Variants in NRXN3 observed in about 807,000 individuals in gnomAD.
The protein encoded by NRXN3 is neurexin 3.
A neutral mutation model predicts 137.6 loss-of-function variants in NRXN3; 32 were observed. The ratio of observed to expected loss-of-function variants is 0.23; its 90% confidence interval spans 0.18 to 0.31. NRXN3 has a LOEUF of 0.31. Ranked by LOEUF, NRXN3 falls within the 10% of genes least tolerant of loss-of-function variation. The pLI, the probability that NRXN3 is intolerant of heterozygous loss-of-function variation, is 1.00. For synonymous variants in NRXN3, 798 were observed against 784.5 expected (o/e 1.02, Z -0.29); for missense variants, 1,574 against 2,062.5 (o/e 0.76, Z 4.59).
chr14:78,874,990 G>A (rs987400067), intron 10 of NRXN3, among the ~76,000 whole-genome samples: 2 of 152,178 alleles, frequency 1.3e-5, no homozygotes, highest in Non-Finnish European at 2.9e-5. Context: ...ACAGGGGTGT[G>A]GAGAATTGGT....
intron 10 of NRXN3, among the ~76,000 whole-genome samples, chr14:78,927,103 C>G (rs1338525693): frequency 7.7e-5 from 10 of 130,032 alleles, no homozygotes; most frequent in Non-Finnish European, 1.6e-4. Flanking sequence ...TTCAGTGAGT[C>G]GTGATTGTGC....
intron 4 of NRXN3, among the ~76,000 whole-genome samples, chr14:78,471,371 A>C (rs2095268467): frequency 6.6e-6 from 1 of 151,844 alleles, no homozygotes; most frequent in Non-Finnish European, 1.5e-5. Context: ...AATCTGGAGA[A>C]AGTTCAAAGT....
chr14:79,049,259 A>G (rs1158075134), intron 15 of NRXN3, among the ~76,000 whole-genome samples: 3 of 151,946 alleles, frequency 2.0e-5, no homozygotes, highest in African/African-American at 4.8e-5. Context: ...TTTATATAAT[A>G]TTCTAAATTA....
At chr14:79,782,298 A>G (rs781590039) in intron 19 of NRXN3, among the ~76,000 whole-genome samples, 56 of 152,254 alleles carry the variant, frequency 3.7e-4, no homozygotes, top group Admixed American at 7.8e-4. Context: ...CTTTTCCCCT[A>G]TAGTTTCATG....
intron 15 of NRXN3, among the ~76,000 whole-genome samples, chr14:79,346,113 T>C (rs1481155605): frequency 2.0e-5 from 3 of 152,190 alleles, no homozygotes; most frequent in African/African-American, 7.2e-5. Context: ...CAACCAGAGT[T>C]ATTATTTAGA....
chr14:79,247,103 C>T (rs1048177598), intron 15 of NRXN3: 2 of 152,082 alleles, frequency 1.3e-5, no homozygotes, highest in African/African-American at 4.8e-5. Context: ...GCAAACCATA[C>T]TGTAAAGGAA....
At chr14:78,241,368 G>T (rs1276371043) in intron 1 of NRXN3, among the ~76,000 whole-genome samples, 1 of 152,152 alleles carries the variant, frequency 6.6e-6, no homozygotes, top group Non-Finnish European at 1.5e-5. Context: ...TGTGGCTCAT[G>T]CCTGTAATCC....
At chr14:78,208,608 G>A (rs1430069154) in intron 1 of NRXN3, among the ~76,000 whole-genome samples, 4 of 152,166 alleles carry the variant, frequency 2.6e-5, no homozygotes, top group Non-Finnish European at 5.9e-5. Flanking sequence ...TTAGAGTGAC[G>A]AGGCTGGAGC....
At chr14:79,259,565 AGTTATC>A in intron 15 of NRXN3, among the ~76,000 whole-genome samples, 1 of 148,332 alleles carries the variant, frequency 6.7e-6, no homozygotes, top group Non-Finnish European at 1.5e-5. Context: ...CTGTATATAT[AGTTATC>A]TATATATAGC....
chr14:78,414,992 G>A (rs115678939), intron 4 of NRXN3, among the ~76,000 whole-genome samples: 85 of 152,208 alleles, frequency 5.6e-4, no homozygotes, highest in African/African-American at 2.0e-3. Context: ...TCTGTGCCAT[G>A]GTGTTTTAAT....
intron 15 of NRXN3, among the ~76,000 whole-genome samples, chr14:79,437,806 A>G (rs994472700): frequency 6.6e-6 from 1 of 152,136 alleles, no homozygotes; most frequent in Non-Finnish European, 1.5e-5. Flanking sequence ...GCCACATACA[A>G]TCTCTGTGAT....
rs145392299 is a variant in NRXN3 at position 79,677,490 on chromosome 14, G to A, written c.3616+13541G>A. The stretch of plus-strand genomic sequence containing the variant: ...GTTTACAAAATGAATAGCTGGATTA[G>A]TTTACTGAATTTTTTTCTGTGGTAT... On this transcript the variant is annotated intron_variant, in intron 17 of 20. Coordinates refer to ENST00000335750, the MANE Select transcript of NRXN3 (RefSeq NM_001330195.2). Among the ~76,000 whole-genome samples, 656 of 152,140 alleles carry A rather than the reference G, an allele frequency of 4.3e-3. 3 individuals are homozygous for A. Among genetic ancestry groups the A allele is most frequent in the Non-Finnish European group, 7.4e-3 (503 of 67,978 alleles).
intron 4 of NRXN3, among the ~76,000 whole-genome samples, chr14:78,608,159 T>C (rs1457747382): frequency 1.3e-5 from 2 of 152,204 alleles, no homozygotes; most frequent in Admixed American, 1.3e-4. Context: ...GGTGGTAGTT[T>C]TAGCCTGCAT....
intron 8 of NRXN3, among the ~76,000 whole-genome samples, chr14:78,784,168 G>C (rs549014575): frequency 6.6e-6 from 1 of 152,066 alleles, no homozygotes; most frequent in Admixed American, 6.6e-5. Context: ...CAGGGAGATA[G>C]GGGAATTGGG....
At chr14:79,578,309 G>A (rs931463968) in intron 16 of NRXN3, among the ~76,000 whole-genome samples, 4 of 152,156 alleles carry the variant, frequency 2.6e-5, no homozygotes, top group Non-Finnish European at 4.4e-5. Flanking sequence ...AACAGTGTGC[G>A]ACAATAGGCA....
intron 15 of NRXN3, among the ~76,000 whole-genome samples, chr14:79,219,504 A>T (rs1180785940): frequency 1.3e-5 from 2 of 152,192 alleles, no homozygotes; most frequent in African/African-American, 4.8e-5. Flanking sequence ...CTCTGTCATT[A>T]GCATTGCTTT....
chr14:78,304,487 G>A lies in NRXN3; in HGVS notation c.757+6627G>A, dbSNP rs577799305. Among the ~76,000 whole-genome samples, 9 of 152,314 alleles carry A rather than the reference G, an allele frequency of 5.9e-5. No homozygotes were observed. In the East Asian group the frequency reaches 1.5e-3, roughly 26 times the overall value. On this transcript the variant is annotated intron_variant, in intron 4 of 20. Coordinates refer to ENST00000335750, the MANE Select transcript of NRXN3 (RefSeq NM_001330195.2). ...GGGCAGGACATGGCCAGAAACAAGC[G>A]TGAACTTACCTAGAAGTGGCTCACA...
At chr14:78,453,237 C>G (rs1247473459) in intron 4 of NRXN3, among the ~76,000 whole-genome samples, 1 of 152,168 alleles carries the variant, frequency 6.6e-6, no homozygotes, top group East Asian at 1.9e-4. Flanking sequence ...AATTTAATTT[C>G]CAACATCTCC....
At chr14:78,839,377 G>A (rs562209600) in intron 10 of NRXN3, among the ~76,000 whole-genome samples, 1 of 152,342 alleles carries the variant, frequency 6.6e-6, no homozygotes, top group South Asian at 2.1e-4. Flanking sequence ...GGAGGACACA[G>A]TCAGTCGTGA....
Sources: gnomAD v4.1 joint callset for allele counts (sites outside exome capture counted in the v4.1 genomes callset) on GRCh38, gnomAD v4.1.1 for gene constraint, MANE v1.5 for transcripts, NCBI Gene and HGNC (gene_info 2026-07-23, HGNC 2026-07-21) for gene names.